The following CLSTN2 variants were observed in gnomAD, a reference collection of about 807,000 sequenced individuals.
CLSTN2 encodes the protein calsyntenin-2.
In CLSTN2, 48 loss-of-function variants were observed where a neutral mutation model predicts 101.2. That is an observed-to-expected ratio of 0.47 (90% CI 0.38 to 0.60). CLSTN2 has a LOEUF of 0.60. Ranked by LOEUF, CLSTN2 falls within the 20% of genes least tolerant of loss-of-function variation. CLSTN2 has a pLI of 0.00. For synonymous variants in CLSTN2, 481 were observed against 463.6 expected, an observed-to-expected ratio of 1.04 and a Z score of -0.48; for missense variants, 1,160 against 1,238.2, an observed-to-expected ratio of 0.94 and a Z score of 0.95.
chr3:140,233,919 C>T (rs1576477218), intron 2 of CLSTN2, among the ~76,000 whole-genome samples: 1 of 152,220 alleles, frequency 6.6e-6, no homozygotes, highest in African/African-American at 2.4e-5. Flanking sequence ...AACACAACCA[C>T]ACTCATAGAT....
chr3:139,998,142 G>T (rs116136289), intron 1 of CLSTN2, among the ~76,000 whole-genome samples: 459 of 152,190 alleles, frequency 3.0e-3, no homozygotes, highest in African/African-American at 0.01. Context: ...TTCTAGTGCA[G>T]TGTTGGTCCA....
At chr3:140,373,784 G>T (rs1189969808) in intron 2 of CLSTN2, among the ~76,000 whole-genome samples, 1 of 152,206 alleles carries the variant, frequency 6.6e-6, no homozygotes, top group East Asian at 1.9e-4. Flanking sequence ...GCAAGGTGAA[G>T]CCTATCTTCC....
chr3:139,988,118 G>A (rs1936058169), intron 1 of CLSTN2, among the ~76,000 whole-genome samples: 1 of 152,174 alleles, frequency 6.6e-6, no homozygotes, highest in Non-Finnish European at 1.5e-5. Flanking sequence ...GGACCTGGGG[G>A]CATTTGCTGA....
chr3:140,144,973 G>C (rs927641516), intron 1 of CLSTN2, among the ~76,000 whole-genome samples: 3 of 152,186 alleles, frequency 2.0e-5, no homozygotes, highest in Non-Finnish European at 4.4e-5. Flanking sequence ...ATTTCCCCCA[G>C]AGGACCATTT....
intron 2 of CLSTN2, among the ~76,000 whole-genome samples, chr3:140,272,471 C>T (rs1036821767): frequency 2.6e-5 from 4 of 152,120 alleles, no homozygotes; most frequent in Admixed American, 1.3e-4. Flanking sequence ...AATGACTGGT[C>T]GGGTGTGGTG....
chr3:140,080,157 A>G (rs1170965339), intron 1 of CLSTN2, among the ~76,000 whole-genome samples: 1 of 152,178 alleles, frequency 6.6e-6, no homozygotes. Context: ...TAGAGCAAGG[A>G]TATTGTCACC....
chr3:139,936,564 C>T (rs1455515777), intron 1 of CLSTN2, among the ~76,000 whole-genome samples: 1 of 152,148 alleles, frequency 6.6e-6, no homozygotes, highest in Non-Finnish European at 1.5e-5. Flanking sequence ...GGGGTTTGCG[C>T]CTGTCAGAAA....
intron 2 of CLSTN2, among the ~76,000 whole-genome samples, chr3:140,188,278 A>C (rs2107834989): frequency 6.6e-6 from 1 of 152,278 alleles, no homozygotes; most frequent in East Asian, 1.9e-4. Context: ...ATCTATTTCA[A>C]TGTCTGCTCC....
chr3:140,405,507 G>A (rs755243096), intron 4 of CLSTN2, among the ~76,000 whole-genome samples: 24 of 152,238 alleles, frequency 1.6e-4, no homozygotes, highest in Non-Finnish European at 2.2e-4. Flanking sequence ...GATTACAGGC[G>A]TGAGCCACTG....
intron 8 of CLSTN2, among the ~76,000 whole-genome samples, chr3:140,474,499 CA>C (rs760596380): frequency 5.9e-5 from 9 of 152,118 alleles, no homozygotes. Context: ...ATGAAGGTGC[CA>C]AATCGCCTTA....
chr3:139,938,099 CTT>C (rs944891021), intron 1 of CLSTN2, among the ~76,000 whole-genome samples: 46 of 143,558 alleles, frequency 3.2e-4, no homozygotes, highest in African/African-American at 1.2e-3. Context: ...CTGCCTCTGA[CTT>C]TGCCATTTTT....
chr3:140,445,178 G>T (rs1933049110), intron 5 of CLSTN2, among the ~76,000 whole-genome samples: 1 of 152,182 alleles, frequency 6.6e-6, no homozygotes, highest in African/African-American at 2.4e-5. Context: ...GCCAGAGAGG[G>T]CCCTGCCCTG....
In CLSTN2 at chr3:139,955,112, CTA is replaced by C. The variant is rs58418059; in HGVS notation, c.109+19655_109+19656del. Among the ~76,000 whole-genome samples the C allele has an allele frequency of 4.8e-3, 341 of 71,538 alleles. 17 individuals carry two copies. The highest frequency in any genetic ancestry group is 0.016 in the African/African-American group (278 of 17,856). The allele number at this position is 71,538 out of a possible 152,430, so 46.9% of individuals were successfully genotyped here. On this transcript the variant is annotated intron_variant, in intron 1 of 16. Coordinates refer to ENST00000458420, the MANE Select transcript of CLSTN2 (RefSeq NM_022131.3). ...CATACATGTATATATGGCAATATTG[CTA>C]TATATATATATATATATATATATAT...
At chr3:140,237,959 T>G (rs1309269712) in intron 2 of CLSTN2, among the ~76,000 whole-genome samples, 1 of 152,190 alleles carries the variant, frequency 6.6e-6, no homozygotes, top group Non-Finnish European at 1.5e-5. Context: ...CTCAAAAGCA[T>G]TTCTGTAAAT....
chr3:140,022,187 G>C (rs529609162), intron 1 of CLSTN2, among the ~76,000 whole-genome samples: 23 of 152,314 alleles, frequency 1.5e-4, no homozygotes, highest in Admixed American at 1.2e-3. Flanking sequence ...GAAGTGCTGG[G>C]GGCCTCAGCT....
At position 140,568,433 on chromosome 3, in the gene CLSTN2, T is replaced by C. The variant is rs949304137; in HGVS notation, c.*2180T>C. On this transcript the variant is annotated 3_prime_UTR_variant, in exon 17 of 17. Coordinates refer to ENST00000458420, the MANE Select transcript of CLSTN2 (RefSeq NM_022131.3). ...AGAAGAAGCTGGGGTTTTATATTCATTGGATGGAAACAGATATTTCTCCTG... is the reference window on the plus strand; with the variant it reads ...AGAAGAAGCTGGGGTTTTATATTCACTGGATGGAAACAGATATTTCTCCTG... 1.4e-4 allele frequency: 22 copies of C among 152,186 alleles called. No individual in the cohort carries two copies. Among genetic ancestry groups the C allele is most frequent in the African/African-American group, 5.3e-4 (22 of 41,448 alleles). The allele number at this position is 152,186 out of a possible 1,614,324, so 9.4% of individuals were successfully genotyped here. A position where few individuals can be genotyped will look rare whatever the true frequency, so the allele number is the denominator to read the frequency against.
intron 1 of CLSTN2, among the ~76,000 whole-genome samples, chr3:140,094,544 G>A (rs2008835723): frequency 6.6e-6 from 1 of 152,002 alleles, no homozygotes; most frequent in African/African-American, 2.4e-5. Context: ...TATTTCAAAT[G>A]GTACAGGAAC....
intron 6 of CLSTN2, 97 bp from the exon 7 acceptor site, chr3:140,459,424 G>C (rs1400912426): frequency 2.9e-6 from 4 of 1,398,758 alleles, no homozygotes; most frequent in African/African-American, 1.4e-5. Flanking sequence ...ACGTCTCTGA[G>C]TAAGTACACT....
At chr3:140,171,775 GTATTA>G (rs2010232500) in intron 1 of CLSTN2, among the ~76,000 whole-genome samples, 2 of 82,008 alleles carry the variant, frequency 2.4e-5, no homozygotes, top group Admixed American at 1.8e-4. Flanking sequence ...TATATAATAT[GTATTA>G]TATAATATAT....
Sources: gnomAD v4.1 joint callset for allele counts (sites outside exome capture counted in the v4.1 genomes callset) on GRCh38, gnomAD v4.1.1 for gene constraint, MANE v1.5 for transcripts, NCBI Gene and HGNC (gene_info 2026-07-23, HGNC 2026-07-21) for gene names.